Variants in ATP2B2 observed in about 807,000 individuals in gnomAD.
ATP2B2 encodes the protein plasma membrane calcium-transporting ATPase 2.
Under a neutral mutation model 120.0 loss-of-function variants are expected in ATP2B2, and 15 were observed. The ratio of observed to expected loss-of-function variants is 0.12; its 90% confidence interval spans 0.08 to 0.19. The LOEUF (loss-of-function observed/expected upper bound fraction) is 0.19. Among genes scored for constraint, ATP2B2 ranks in the 10% least tolerant of loss-of-function variants. ATP2B2 has a pLI of 1.00. For synonymous variants in ATP2B2, 694 were observed against 700.3 expected, an observed-to-expected ratio of 0.99 and a Z score of 0.14; for missense variants, 1,045 against 1,719.8, an observed-to-expected ratio of 0.61 and a Z score of 6.94.
chr3:10,654,779 T>TAAA (rs3030786), intron 1 of ATP2B2, among the ~76,000 whole-genome samples: 3 of 143,468 alleles, frequency 2.1e-5, no homozygotes, highest in East Asian at 2.0e-4. Context: ...GGGAAGCTGG[T>TAAA]AAAAAAAAAA....
chr3:10,591,871 T>C (rs545878310), intron 2 of ATP2B2, among the ~76,000 whole-genome samples: 1 of 152,252 alleles, frequency 6.6e-6, no homozygotes, highest in South Asian at 2.1e-4. Flanking sequence ...TTCCAGGGCA[T>C]CTTCATCAGC....
At position 10,402,900 on chromosome 3, in the gene ATP2B2, T is replaced by C. The variant is rs1196218453; in HGVS notation, c.398-552A>G. On this transcript the variant is annotated intron_variant, in intron 3 of 22. Transcript: ENST00000360273. The surrounding 1 kb of genome is among the most constrained non-coding windows in gnomAD (Gnocchi z 4.9). Reference sequence around the variant, plus strand: ...ATGAGAAAAGACAAGGAATTTTCTCTAATTCATGAGAAAAGAGAGTAAGTG... The same window carrying C: ...ATGAGAAAAGACAAGGAATTTTCTCCAATTCATGAGAAAAGAGAGTAAGTG... 6.6e-6 allele frequency among the ~76,000 whole-genome samples: 1 copy of C among 152,098 alleles called. No individual in the cohort carries two copies. The highest frequency in any genetic ancestry group is 1.5e-5 in the Non-Finnish European group (1 of 68,044).
chr3:10,651,775 A>G (rs374807727), intron 1 of ATP2B2, among the ~76,000 whole-genome samples: 2 of 141,966 alleles, frequency 1.4e-5, no homozygotes, highest in South Asian at 2.6e-4. Flanking sequence ...ATGGATGGAT[A>G]GATGGATGGA....
intron 2 of ATP2B2, among the ~76,000 whole-genome samples, chr3:10,441,295 C>T (rs1559342017): frequency 6.6e-6 from 1 of 152,112 alleles, no homozygotes; most frequent in Non-Finnish European, 1.5e-5. Context: ...CACTCTGTCA[C>T]CCAGGCTGAT....
At chr3:10,610,335 A>T in intron 2 of ATP2B2, among the ~76,000 whole-genome samples, 1 of 151,892 alleles carries the variant, frequency 6.6e-6, no homozygotes, top group East Asian at 1.9e-4. Context: ...GCTGGCCTCT[A>T]GATCACAGAT....
At chr3:10,439,303 G>C (rs950501978) in intron 2 of ATP2B2, among the ~76,000 whole-genome samples, 1 of 152,224 alleles carries the variant, frequency 6.6e-6, no homozygotes, top group Non-Finnish European at 1.5e-5. Context: ...TCCAGATGGG[G>C]AGGCTGAGGC....
intron 1 of ATP2B2, among the ~76,000 whole-genome samples, chr3:10,492,390 C>T (rs949509788): frequency 5.9e-5 from 9 of 152,172 alleles, no homozygotes; most frequent in Non-Finnish European, 8.8e-5. Context: ...CTGGAAAGTA[C>T]ACAGTGGAGC....
At chr3:10,656,254 A>G (rs917452589) in intron 1 of ATP2B2, among the ~76,000 whole-genome samples, 6 of 152,134 alleles carry the variant, frequency 3.9e-5, no homozygotes, top group African/African-American at 1.4e-4. Context: ...GTCCAGCCCC[A>G]CTTCATCGCA....
intron 22 of ATP2B2, chr3:10,331,900 C>T (rs1211696040): frequency 1.2e-5 from 16 of 1,389,408 alleles, no homozygotes; most frequent in South Asian, 1.3e-5. Context: ...TCTACATACT[C>T]GAATGTTTAC....
At chr3:10,698,017 C>T (rs2071764605) in intron 1 of ATP2B2, among the ~76,000 whole-genome samples, 1 of 152,208 alleles carries the variant, frequency 6.6e-6, no homozygotes, top group Non-Finnish European at 1.5e-5. Context: ...GGCTGCTCCC[C>T]AGTGGACACT....
At chr3:10,591,713 C>T (rs1240710657) in intron 2 of ATP2B2, among the ~76,000 whole-genome samples, 1 of 152,216 alleles carries the variant, frequency 6.6e-6, no homozygotes, top group African/African-American at 2.4e-5. Context: ...AGAATTCTAA[C>T]AGCCTCGATG....
rs1440984426 is a variant in ATP2B2 at position 10,583,712 on chromosome 3, C to G, written c.-415+36205G>C. ...CAATTTACAGATGAGGAAAGTGAGG[C>G]CTTAGGATGTCATGGGATGAACAGG... On this transcript the variant is annotated intron_variant, in intron 2 of 21. Coordinates refer to the ATP2B2 transcript ENST00000646379. Among the ~76,000 whole-genome samples the G allele has an allele frequency of 3.3e-5, 5 of 152,238 alleles. No homozygotes were observed. In the South Asian group the frequency reaches 8.3e-4, roughly 25 times the overall value.
At chr3:10,676,524 CCACA>C (rs150121114) in intron 1 of ATP2B2, among the ~76,000 whole-genome samples, 3 of 149,212 alleles carry the variant, frequency 2.0e-5, no homozygotes, top group South Asian at 2.1e-4. Flanking sequence ...AGGGACAGAA[CCACA>C]CACACACACA....
At chr3:10,703,936 G>C (rs2071857799) in intron 1 of ATP2B2, among the ~76,000 whole-genome samples, 1 of 152,202 alleles carries the variant, frequency 6.6e-6, no homozygotes, top group Non-Finnish European at 1.5e-5. Context: ...ACTAGGAACA[G>C]CCACTGTGTC....
intron 2 of ATP2B2, among the ~76,000 whole-genome samples, chr3:10,577,293 G>A (rs752378058): frequency 5.9e-5 from 9 of 152,202 alleles, no homozygotes; most frequent in Admixed American, 2.0e-4. Flanking sequence ...AATCTTGGGA[G>A]GCTCTGGGGT....
Position 10,388,414 on chromosome 3 carries a change from G to T in ATP2B2, c.782-12C>A. ...CATCACGTGGGTTCCTGGGAAAGGG[G>T]ACAAAAGCCAAGTTACCATTGCATG... On this transcript the variant is annotated splice_polypyrimidine_tract_variant and intron_variant, in intron 5 of 22. Transcript: ENST00000360273. 6.2e-7 allele frequency: 1 copy of T among 1,614,098 alleles called. No homozygotes were observed. The highest frequency in any genetic ancestry group is 8.5e-7 in the Non-Finnish European group (1 of 1,180,018).
intron 1 of ATP2B2, among the ~76,000 whole-genome samples, chr3:10,641,996 CCA>C (rs2070185552): frequency 6.6e-6 from 1 of 151,574 alleles, no homozygotes; most frequent in Non-Finnish European, 1.5e-5. Context: ...ATCCACCCAT[CCA>C]CCCATCCACC....
chr3:10,440,727 C>T (rs984210899), intron 2 of ATP2B2, among the ~76,000 whole-genome samples: 1 of 152,224 alleles, frequency 6.6e-6, no homozygotes, highest in African/African-American at 2.4e-5. Flanking sequence ...TAGAACATTT[C>T]CTCTTGCAGT....
At chr3:10,438,073 G>C (rs1056634243) in intron 2 of ATP2B2, among the ~76,000 whole-genome samples, 5 of 152,116 alleles carry the variant, frequency 3.3e-5, no homozygotes, top group Non-Finnish European at 7.4e-5. Flanking sequence ...GAGCAGGGAG[G>C]GGGGTGGCGG....
Sources: gnomAD v4.1 joint callset for allele counts (sites outside exome capture counted in the v4.1 genomes callset) on GRCh38, gnomAD v4.1.1 for gene constraint, Gnocchi (gnomAD v3.1) non-coding constraint, MANE v1.5 for transcripts, NCBI Gene and HGNC (gene_info 2026-07-23, HGNC 2026-07-21) for gene names.